The following PGM1 variants were observed in gnomAD, a reference collection of about 807,000 sequenced individuals.
PGM1 encodes the protein phosphoglucomutase 1, also known as phosphoglucomutase-1.
A neutral mutation model predicts 55.6 loss-of-function variants in PGM1; 52 were observed. The observed-to-expected ratio is 0.94, with a 90% CI of 0.75 to 1.18. PGM1 has a LOEUF of 1.18. Ranked by LOEUF, PGM1 falls within the 50% of genes most tolerant of loss-of-function variation. The pLI, the probability that PGM1 is intolerant of heterozygous loss-of-function variation, is 0.00. For synonymous variants in PGM1, 287 were observed against 271.7 expected (o/e 1.06, Z -0.55); for missense variants, 724 against 729.3 (o/e 0.99, Z 0.08).
intron 1 of PGM1, among the ~76,000 whole-genome samples, chr1:63,614,150 G>A (rs1478938752): frequency 6.6e-6 from 1 of 152,142 alleles, no homozygotes; most frequent in Non-Finnish European, 1.5e-5. Context: ...ATCTCATATA[G>A]TCTTTTCAAC....
intron 1 of PGM1, among the ~76,000 whole-genome samples, chr1:63,613,732 G>A (rs965953720): frequency 1.0e-4 from 15 of 148,734 alleles, no homozygotes; most frequent in African/African-American, 3.7e-4. Flanking sequence ...TGGAGGGGGC[G>A]GGAGTAGTGC....
intron 4 of PGM1, 81 bp downstream of exon 4, chr1:63,631,863 A>C: frequency 7.5e-7 from 1 of 1,337,742 alleles, no homozygotes. Flanking sequence ...ATGCTTCAAC[A>C]AGCCTTTTCT....
rs561801460 is a variant in PGM1, at chr1:63,643,653, G to C, written c.1144+4853G>C. Among the ~76,000 whole-genome samples, 6 of 152,354 alleles carry C rather than the reference G, an allele frequency of 3.9e-5. No homozygotes were observed. The South Asian group carries it at 1.2e-3, about 32-fold the overall frequency. The stretch of plus-strand genomic sequence containing the variant: ...GGACTGCAGACACAGCAGGTCAGCT[G>C]AGCCTCCCAGCCAGTCAACTGGGGC... On this transcript the variant is annotated intron_variant, in intron 7 of 10. Coordinates refer to ENST00000371084, the MANE Select transcript of PGM1 (RefSeq NM_002633.3).
At chr1:63,598,078 C>G (rs910510565) in intron 1 of PGM1, among the ~76,000 whole-genome samples, 12 of 152,184 alleles carry the variant, frequency 7.9e-5, no homozygotes, top group African/African-American at 2.9e-4. Flanking sequence ...TCAGTTGATT[C>G]TCCCACCTCA....
At chr1:63,648,418 G>A in intron 7 of PGM1, 99 bp from the exon 8 acceptor site, 2 of 1,323,498 alleles carry the variant, frequency 1.5e-6, no homozygotes, top group South Asian at 1.2e-5. Context: ...CCCTCAACAT[G>A]AGATTTGGGT....
chr1:63,634,196 C>T (rs1649300036), intron 4 of PGM1, among the ~76,000 whole-genome samples: 2 of 151,738 alleles, frequency 1.3e-5, no homozygotes, highest in Non-Finnish European at 2.9e-5. Flanking sequence ...ATGTCTTTAC[C>T]TCAGAACACC....
At chr1:63,593,773 C>T (rs757435995) in intron 1 of PGM1, 39 bp downstream of exon 1, 6 of 1,550,244 alleles carry the variant, frequency 3.9e-6, no homozygotes, top group Admixed American at 3.8e-5. Context: ...TGCACCCTGG[C>T]GCGTGTGCGA....
chr1:63,641,914 C>T (rs1358373566), intron 7 of PGM1, among the ~76,000 whole-genome samples: 1 of 152,170 alleles, frequency 6.6e-6, no homozygotes, highest in Non-Finnish European at 1.5e-5. Context: ...CAGATTCCTG[C>T]TATTGGAAAA....
At chr1:63,596,915 C>A (rs1482397808) in intron 1 of PGM1, among the ~76,000 whole-genome samples, 1 of 152,214 alleles carries the variant, frequency 6.6e-6, no homozygotes, top group Non-Finnish European at 1.5e-5. Flanking sequence ...AACTGTGAGT[C>A]ACTTTTGTAT....
intron 4 of PGM1, among the ~76,000 whole-genome samples, chr1:63,632,101 C>G (rs1649212265): frequency 6.6e-6 from 1 of 152,024 alleles, no homozygotes; most frequent in East Asian, 1.9e-4. Context: ...CTGCATGCCC[C>G]CATGTATTTC....
chr1:63,596,956 C>T (rs368638787), intron 1 of PGM1, among the ~76,000 whole-genome samples: 3 of 152,332 alleles, frequency 2.0e-5, no homozygotes, highest in Admixed American at 6.5e-5. Flanking sequence ...CAGCATGTAG[C>T]TGGTGACCAA....
intron 7 of PGM1, among the ~76,000 whole-genome samples, chr1:63,644,649 C>A (rs1045302899): frequency 1.3e-5 from 2 of 152,162 alleles, no homozygotes; most frequent in African/African-American, 4.8e-5. Context: ...CATTACACCT[C>A]ACAATGTATA....
intron 1 of PGM1, among the ~76,000 whole-genome samples, chr1:63,629,189 A>G (rs1649121343): frequency 1.3e-5 from 2 of 152,208 alleles, no homozygotes. Flanking sequence ...ACACACTTCT[A>G]AAACTACAAA....
chr1:63,593,987 G>A (rs1647957826), intron 1 of PGM1: 2 of 1,175,146 alleles, frequency 1.7e-6, no homozygotes, highest in Non-Finnish European at 1.0e-6. Context: ...AGGTGCGGGC[G>A]CGGAGCCTCC....
intron 1 of PGM1, among the ~76,000 whole-genome samples, chr1:63,625,556 G>A (rs979622281): frequency 6.6e-6 from 1 of 152,132 alleles, no homozygotes. Context: ...GCCTTTGATT[G>A]TGGGTGGGAC....
intron 2 of PGM1, 100 bp from the exon 3 acceptor site, chr1:63,629,842 T>A (rs552391392): frequency 1.5e-6 from 2 of 1,345,090 alleles, no homozygotes; most frequent in Admixed American, 3.4e-5. Flanking sequence ...AATGATGAAA[T>A]GGTAGATGTG....
chr1:63,613,147 A>T (rs964524984), intron 1 of PGM1, among the ~76,000 whole-genome samples: 1 of 150,974 alleles, frequency 6.6e-6, no homozygotes, highest in Non-Finnish European at 1.5e-5. Flanking sequence ...GAAACCAAAC[A>T]CTCTGAGGCA....
chr1:63,623,549 A>AT, intron 1 of PGM1: 1 of 1,612,786 alleles, frequency 6.2e-7, no homozygotes, highest in Non-Finnish European at 8.5e-7. Context: ...ACAGCTCCCT[A>AT]CCACGATCAG....
At chr1:63,632,964 A>G (rs1160041844) in intron 4 of PGM1, among the ~76,000 whole-genome samples, 1 of 152,226 alleles carries the variant, frequency 6.6e-6, no homozygotes. Context: ...CGGAAGTTGT[A>G]GTGAGCGGAG....
Sources: gnomAD v4.1 joint callset for allele counts (sites outside exome capture counted in the v4.1 genomes callset) on GRCh38, gnomAD v4.1.1 for gene constraint, MANE v1.5 for transcripts, NCBI Gene and HGNC (gene_info 2026-07-23, HGNC 2026-07-21) for gene names.